Variants in MRTFA observed in about 807,000 individuals in gnomAD.
MRTFA encodes the protein myocardin related transcription factor A.
In MRTFA, 20 loss-of-function variants were observed where a neutral mutation model predicts 83.5. That is an observed-to-expected ratio of 0.24 (90% CI 0.17 to 0.35). The LOEUF is 0.35. Ranked by LOEUF, MRTFA falls within the 10% of genes least tolerant of loss-of-function variation. The pLI is 1.00. For missense variants in MRTFA, 1,200 were observed against 1,224.7 expected (o/e 0.98, Z 0.30); for synonymous variants, 659 against 541.2 (o/e 1.22, Z -3.02).
At chr22:40,429,496 G>T in intron 7 of MRTFA, 110 bp downstream of exon 7, 1 of 1,289,038 alleles carries the variant, frequency 7.8e-7, no homozygotes, top group Non-Finnish European at 1.1e-6. Context: ...TAAGCAGGAA[G>T]TCAAAGATTA....
intron 4 of MRTFA, among the ~76,000 whole-genome samples, chr22:40,439,504 CAAA>C (rs756033541): frequency 1.2e-3 from 40 of 32,142 alleles, no homozygotes; most frequent in East Asian, 2.2e-3. Context: ...GACTCTGTCT[CAAA>C]AAAAAAAAAA....
At chr22:40,567,166 C>G (rs544912860) in intron 2 of MRTFA, among the ~76,000 whole-genome samples, 1 of 152,260 alleles carries the variant, frequency 6.6e-6, no homozygotes, top group South Asian at 2.1e-4. Flanking sequence ...AGAAATTTGA[C>G]AATTTGCCTT....
chr22:40,562,997 C>T (rs1364706770), intron 2 of MRTFA, among the ~76,000 whole-genome samples: 1 of 152,130 alleles, frequency 6.6e-6, no homozygotes, highest in Admixed American at 6.5e-5. Context: ...CTCACTTCAC[C>T]TCCTCTTGAT....
intron 4 of MRTFA, among the ~76,000 whole-genome samples, chr22:40,440,655 G>GTT (rs779882083): frequency 1.3e-5 from 2 of 152,180 alleles, no homozygotes; most frequent in Non-Finnish European, 2.9e-5. Flanking sequence ...GTGCACTGGG[G>GTT]TTTGAGGTGG....
intron 2 of MRTFA, among the ~76,000 whole-genome samples, chr22:40,579,727 G>A (rs2055917884): frequency 6.6e-6 from 1 of 152,114 alleles, no homozygotes; most frequent in Admixed American, 6.5e-5. Flanking sequence ...GGGCATGGTG[G>A]CAGGCGCCTA....
intron 3 of MRTFA, among the ~76,000 whole-genome samples, chr22:40,500,260 T>C (rs1245848639): frequency 4.0e-5 from 6 of 151,210 alleles, no homozygotes; most frequent in Admixed American, 3.9e-4. Context: ...TTATGCTTCA[T>C]TAAAGTAAAA....
chr22:40,522,860 A>G (rs77021618), intron 3 of MRTFA: 2 of 152,198 alleles, frequency 1.3e-5, no homozygotes, highest in African/African-American at 2.4e-5. Flanking sequence ...ACCAACATCA[A>G]TAGAACCAAC....
chr22:40,608,761 C>G (rs1367344632), intron 1 of MRTFA, among the ~76,000 whole-genome samples: 6 of 152,276 alleles, frequency 3.9e-5, no homozygotes, highest in African/African-American at 1.4e-4. Context: ...GACAAGGTCC[C>G]TGCTCTTCTG....
chr22:40,604,305 T>A (rs2056293846), intron 1 of MRTFA, among the ~76,000 whole-genome samples: 1 of 151,866 alleles, frequency 6.6e-6, no homozygotes, highest in Admixed American at 6.6e-5. Flanking sequence ...TAATTTTTTG[T>A]ATTTTTGGTA....
intron 2 of MRTFA, among the ~76,000 whole-genome samples, chr22:40,585,180 G>C (rs1321644387): frequency 6.6e-6 from 1 of 152,218 alleles, no homozygotes; most frequent in Admixed American, 6.5e-5. Flanking sequence ...CCTCAATGCT[G>C]CTGAGCAGGA....
chr22:40,617,428 G>A (rs975731373), intron 1 of MRTFA, among the ~76,000 whole-genome samples: 1 of 152,074 alleles, frequency 6.6e-6, no homozygotes, highest in Non-Finnish European at 1.5e-5. Context: ...TGGCAGGTGT[G>A]GTAGAAAGAA....
chr22:40,553,145 AT>A (rs1231606696), intron 2 of MRTFA, among the ~76,000 whole-genome samples: 2 of 152,218 alleles, frequency 1.3e-5, no homozygotes, highest in Non-Finnish European at 2.9e-5. Flanking sequence ...GGCAGAGGAC[AT>A]TTCTAAGCGG....
intron 4 of MRTFA, among the ~76,000 whole-genome samples, chr22:40,437,163 G>T (rs2053187318): frequency 6.6e-6 from 1 of 152,086 alleles, no homozygotes; most frequent in Non-Finnish European, 1.5e-5. Flanking sequence ...CAACCTACCT[G>T]GGCACTATCC....
At chr22:40,481,883 ACC>A (rs1274051564) in intron 3 of MRTFA, among the ~76,000 whole-genome samples, 1 of 151,918 alleles carries the variant, frequency 6.6e-6, no homozygotes, top group African/African-American at 2.4e-5. Context: ...ACACGGTGAA[ACC>A]CCGTCTCTAC....
chr22:40,592,844 G>T (rs1016845107), intron 2 of MRTFA, among the ~76,000 whole-genome samples: 14 of 152,072 alleles, frequency 9.2e-5, no homozygotes, highest in Non-Finnish European at 2.9e-5. Flanking sequence ...TCAACCAGGT[G>T]AAACAGCCAA....
intron 9 of MRTFA, 142 bp downstream of exon 9, chr22:40,423,394 C>G: frequency 2.7e-6 from 2 of 741,306 alleles, no homozygotes; most frequent in Non-Finnish European, 2.0e-6. Flanking sequence ...GGACAGCAGA[C>G]AGAACGGGAA....
At chr22:40,585,765 A>G (rs1236357588) in intron 2 of MRTFA, among the ~76,000 whole-genome samples, 1 of 152,248 alleles carries the variant, frequency 6.6e-6, no homozygotes, top group East Asian at 1.9e-4. Context: ...AAGGTGGCTT[A>G]GCCAAGGGCA....
At chr22:40,459,699 T>A (rs1466336671) in intron 4 of MRTFA, among the ~76,000 whole-genome samples, 1 of 150,294 alleles carries the variant, frequency 6.7e-6, no homozygotes, top group Non-Finnish European at 1.5e-5. Flanking sequence ...CATATACACA[T>A]GCACACACTG....
chr22:40,434,719 C>A (rs1372394311), intron 5 of MRTFA, among the ~76,000 whole-genome samples: 1 of 152,086 alleles, frequency 6.6e-6, no homozygotes, highest in Admixed American at 6.5e-5. Context: ...GAGACTCCGT[C>A]TCAAAAAATA....
Sources: allele counts gnomAD v4.1 joint callset (sites outside exome capture counted in the v4.1 genomes callset), GRCh38; gene constraint gnomAD v4.1.1; transcripts MANE v1.5; gene names NCBI Gene and HGNC (gene_info 2026-07-23, HGNC 2026-07-21).